HEMK2: variants seen among roughly 807,000 people sequenced by gnomAD.
The protein encoded by HEMK2 is methyltransferase HEMK2.
the HEMK2 span, among the ~76,000 whole-genome samples, chr21:28,630,836 G>A: frequency 2.0e-5 from 3 of 150,708 alleles, no homozygotes; most frequent in African/African-American, 7.3e-5. Flanking sequence ...GCTAAATGAC[G>A]AGTTAATGGG....
chr21:28,797,228 G>T, the HEMK2 span, among the ~76,000 whole-genome samples: 5 of 152,128 alleles, frequency 3.3e-5, no homozygotes, highest in Non-Finnish European at 7.4e-5. Flanking sequence ...TTGCACTCCT[G>T]TTCTGAAGGA....
the HEMK2 span, among the ~76,000 whole-genome samples, chr21:28,744,575 A>G: frequency 6.6e-6 from 1 of 152,188 alleles, no homozygotes; most frequent in South Asian, 2.1e-4. Context: ...CATAGTAGCA[A>G]AGGATTTTTG....
chr21:28,754,289 A>C, the HEMK2 span, among the ~76,000 whole-genome samples: 5 of 152,220 alleles, frequency 3.3e-5, no homozygotes. Context: ...AGCAAACAAT[A>C]AATGCATCTG....
the HEMK2 span, among the ~76,000 whole-genome samples, chr21:28,711,130 TTAAAAAA>T: frequency 6.6e-6 from 1 of 152,122 alleles, no homozygotes; most frequent in Non-Finnish European, 1.5e-5. Context: ...GTACTTTTAA[TTAAAAAA>T]TAAAAAATCC....
chr21:28,828,891 T>C, the HEMK2 span, among the ~76,000 whole-genome samples: 3 of 152,342 alleles, frequency 2.0e-5, no homozygotes, highest in South Asian at 6.2e-4. Flanking sequence ...CAATATTTAA[T>C]AAAACTATAT....
the HEMK2 span, among the ~76,000 whole-genome samples, chr21:28,808,298 G>C: frequency 6.6e-6 from 1 of 151,834 alleles, no homozygotes; most frequent in East Asian, 1.9e-4. Flanking sequence ...TTGAAGTCAG[G>C]TAATGTAATG....
At chr21:28,828,038 AGC>A in the HEMK2 span, among the ~76,000 whole-genome samples, 1 of 152,180 alleles carries the variant, frequency 6.6e-6, no homozygotes, top group African/African-American at 2.4e-5. Context: ...TACCCCTTGT[AGC>A]TTAGGCTACA....
the HEMK2 span, chr21:28,883,015 G>C: frequency 6.2e-7 from 1 of 1,606,914 alleles, no homozygotes; most frequent in African/African-American, 1.3e-5. Context: ...TATCATAGAG[G>C]CTAGGAATGC....
At chr21:28,826,188 T>C in the HEMK2 span, among the ~76,000 whole-genome samples, 1 of 152,236 alleles carries the variant, frequency 6.6e-6, no homozygotes, top group Non-Finnish European at 1.5e-5. Context: ...GAAGTCTCTC[T>C]CACTGCCTTT....
At chr21:28,763,340 T>C in the HEMK2 span, among the ~76,000 whole-genome samples, 1 of 152,108 alleles carries the variant, frequency 6.6e-6, no homozygotes, top group Non-Finnish European at 1.5e-5. Flanking sequence ...TTACTTATGA[T>C]GGAAGCTGAA....
the HEMK2 span, among the ~76,000 whole-genome samples, chr21:28,841,406 A>AAATATTATATATAATATATAAAATAT: frequency 2.3e-4 from 8 of 34,456 alleles, no homozygotes; most frequent in African/African-American, 1.4e-3. Flanking sequence ...TATATATATA[A>AAATATTATATATAATATATAAAATAT]TATATATATT....
At chr21:28,725,791 T>G in the HEMK2 span, among the ~76,000 whole-genome samples, 1 of 152,224 alleles carries the variant, frequency 6.6e-6, no homozygotes, top group African/African-American at 2.4e-5. Context: ...TTCCCTAAAA[T>G]AATTTCAAAA....
chr21:28,676,921 G>A, the HEMK2 span, among the ~76,000 whole-genome samples: 1 of 152,158 alleles, frequency 6.6e-6, no homozygotes, highest in Non-Finnish European at 1.5e-5. Context: ...TTAAGATGGA[G>A]CCAAGATGGC....
chr21:28,595,522 A>G, the HEMK2 span, among the ~76,000 whole-genome samples: 3 of 152,286 alleles, frequency 2.0e-5, no homozygotes, highest in Admixed American at 2.0e-4. Flanking sequence ...CTCATTTTTT[A>G]TAGCTAAATA....
At chr21:28,823,888 T>G in the HEMK2 span, among the ~76,000 whole-genome samples, 1 of 152,068 alleles carries the variant, frequency 6.6e-6, no homozygotes, top group Non-Finnish European at 1.5e-5. Context: ...TCTAGAAGGT[T>G]TCTAAAAGTT....
the HEMK2 span, among the ~76,000 whole-genome samples, chr21:28,739,939 G>T: frequency 6.6e-6 from 1 of 152,136 alleles, no homozygotes; most frequent in South Asian, 2.1e-4. Flanking sequence ...GAGAAGAAAG[G>T]TCTACTTTGT....
At chr21:28,861,200 A>G in the HEMK2 span, among the ~76,000 whole-genome samples, 1 of 152,348 alleles carries the variant, frequency 6.6e-6, no homozygotes, top group South Asian at 2.1e-4. Flanking sequence ...AAATTAAAAT[A>G]CAATGGGAGT....
the HEMK2 span, among the ~76,000 whole-genome samples, chr21:28,734,586 G>A: frequency 6.6e-6 from 1 of 152,118 alleles, no homozygotes; most frequent in African/African-American, 2.4e-5. Flanking sequence ...TGAAGGTGCA[G>A]TGAGGAACTT....
chr21:28,718,762 TTTTC>T, the HEMK2 span, among the ~76,000 whole-genome samples: 3 of 152,170 alleles, frequency 2.0e-5, no homozygotes, highest in Admixed American at 6.6e-5. Flanking sequence ...ATACATATAT[TTTTC>T]TTTGTTTCAA....
Sources: allele counts gnomAD v4.1 joint callset (sites outside exome capture counted in the v4.1 genomes callset), GRCh38; gene constraint gnomAD v4.1.1; transcripts MANE v1.5; gene names NCBI Gene and HGNC (gene_info 2026-07-23, HGNC 2026-07-21).